Variants in DNAH9 observed in about 807,000 individuals in gnomAD.
DNAH9 encodes the protein DNAH9 variant protein.
DNAH9 carries 345 observed loss-of-function variants against 471.6 expected under a neutral mutation model. That is an observed-to-expected ratio of 0.73 (90% confidence interval 0.67 to 0.80). The LOEUF (loss-of-function observed/expected upper bound fraction) is 0.80, where lower values mean the gene tolerates loss of function less well. Ranked by LOEUF, DNAH9 falls within the 30% of genes least tolerant of loss-of-function variation. The pLI, the probability that DNAH9 is intolerant of heterozygous loss-of-function variation, is 0.00. For missense variants in DNAH9, 5,407 were observed against 5,609.2 expected, an observed-to-expected ratio of 0.96 and a Z score of 1.15; for synonymous variants, 2,093 against 2,123.6, an observed-to-expected ratio of 0.99 and a Z score of 0.40.
chr17:11,764,740 A>G (rs561800258), intron 36 of DNAH9, among the ~76,000 whole-genome samples: 2 of 152,196 alleles, frequency 1.3e-5, no homozygotes, highest in Non-Finnish European at 2.9e-5. Context: ...GGGAAGATAA[A>G]TCTTACATCA....
chr17:11,934,961 C>CTTTCT (rs756592834), intron 65 of DNAH9, among the ~76,000 whole-genome samples: 4 of 152,008 alleles, frequency 2.6e-5, no homozygotes, highest in African/African-American at 9.7e-5. Flanking sequence ...CTCATGAAGG[C>CTTTCT]TTTCTTTTCT....
rs1260064759 is a variant in DNAH9, at chr17:11,747,547, C to T, written c.6400-9C>T. 2.5e-6 allele frequency: 4 copies of T among 1,612,006 alleles called. No individual in the cohort carries two copies. Among genetic ancestry groups the T allele is most frequent in the South Asian group, 2.2e-5 (2 of 90,956 alleles). On this transcript the variant is annotated splice_polypyrimidine_tract_variant and intron_variant, in intron 31 of 68. Transcript: ENST00000262442. ...CTGGTCCCTCTGGCTGAATTTCCTG[C>T]CTCCTCAGGTGGTCCAGCTGGAGGA...
At chr17:11,894,708 T>C (rs1181620256) in intron 59 of DNAH9, among the ~76,000 whole-genome samples, 1 of 152,178 alleles carries the variant, frequency 6.6e-6, no homozygotes, top group Non-Finnish European at 1.5e-5. Context: ...GTATGAGGGC[T>C]CTGCCTCCAG....
At chr17:11,759,933 G>A (rs573982035) in intron 35 of DNAH9, among the ~76,000 whole-genome samples, 24 of 152,110 alleles carry the variant, frequency 1.6e-4, no homozygotes, top group African/African-American at 4.3e-4. Flanking sequence ...TGATGTGGCC[G>A]CCTCGGCCTC....
chr17:11,762,683 A>G (rs530054603), intron 35 of DNAH9, among the ~76,000 whole-genome samples: 4 of 151,584 alleles, frequency 2.6e-5, no homozygotes, highest in African/African-American at 9.7e-5. Flanking sequence ...GGTGTTTTCA[A>G]TGGAAGGAAA....
chr17:11,727,982 A>G lies in DNAH9; in HGVS notation c.5814+60A>G, dbSNP rs114299048. ...TTCATATTGATTACTGCGGAAGTCT[A>G]TGTCCTCTTGTTTTCTACCTCTCCT... On this transcript the variant is annotated intron_variant, in intron 28 of 68. Transcript: ENST00000262442. 214 of 1,096,970 alleles carry G rather than the reference A, an allele frequency of 2.0e-4. No homozygotes were observed. The African/African-American group carries it at 2.5e-3, about 13-fold the overall frequency. 68.0% of individuals were successfully genotyped at this position (1,096,970 alleles called of 1,614,324 possible).
In DNAH9 at chr17:11,793,679, A is replaced by G. The variant is rs377376864; in HGVS notation, c.8223+15A>G. 504 of 1,558,532 alleles carry G rather than the reference A, an allele frequency of 3.2e-4. 6 individuals carry two copies. The South Asian group carries it at 3.6e-3, about 11-fold the overall frequency. On this transcript the variant is annotated intron_variant, in intron 42 of 68. Coordinates refer to ENST00000262442, the MANE Select transcript of DNAH9 (RefSeq NM_001372.4). ...AAACTTTTGATGTGAGTATTGCCCT[A>G]TGGATTTTCTTTGTATTTGAAAAAA...
chr17:11,757,952 T>G (rs1236413517), intron 35 of DNAH9, among the ~76,000 whole-genome samples: 1 of 152,168 alleles, frequency 6.6e-6, no homozygotes, highest in Non-Finnish European at 1.5e-5. Flanking sequence ...TGGATGTATG[T>G]GAAGGAGGCT....
At chr17:11,697,802 G>C (rs766505757) in intron 22 of DNAH9, among the ~76,000 whole-genome samples, 3 of 151,726 alleles carry the variant, frequency 2.0e-5, no homozygotes, top group Non-Finnish European at 2.9e-5. Context: ...TGTCAATTCT[G>C]CACTTTAGTG....
At chr17:11,823,286 G>A (rs1970377662) in intron 48 of DNAH9, among the ~76,000 whole-genome samples, 1 of 152,084 alleles carries the variant, frequency 6.6e-6, no homozygotes, top group Non-Finnish European at 1.5e-5. Context: ...ATCAGAAACA[G>A]TACCAAAAGT....
chr17:11,724,956 A>G (rs927063628), intron 27 of DNAH9, among the ~76,000 whole-genome samples: 1 of 152,192 alleles, frequency 6.6e-6, no homozygotes, highest in Non-Finnish European at 1.5e-5. Flanking sequence ...GATGGGAGAC[A>G]GTGACAGATC....
chr17:11,785,098 G>A (rs1428982203), intron 41 of DNAH9, among the ~76,000 whole-genome samples: 1 of 152,086 alleles, frequency 6.6e-6, no homozygotes, highest in African/African-American at 2.4e-5. Flanking sequence ...TATCTGAATA[G>A]TGATGGCGTA....
rs568676603 is a variant in DNAH9 at position 11,878,173 on chromosome 17, A to G, written c.10479-1905A>G. Among the ~76,000 whole-genome samples, 11 of 152,326 alleles carry G rather than the reference A, an allele frequency of 7.2e-5. No individual in the cohort carries two copies. In the South Asian group the frequency reaches 1.4e-3, roughly 20 times the overall value. On this transcript the variant is annotated intron_variant, in intron 53 of 68. Transcript: ENST00000262442. The stretch of plus-strand genomic sequence containing the variant: ...GGTGTATGTTCTTTTTGCTCATTGC[A>G]GTGTCCCTAGTGTCTAAAACACTGC...
chr17:11,768,722 G>C, intron 37 of DNAH9, 96 bp downstream of exon 37: 3 of 1,446,746 alleles, frequency 2.1e-6, no homozygotes, highest in Non-Finnish European at 2.8e-6. Context: ...CTGAGCATTT[G>C]TCCTTGCTAG....
chr17:11,631,980 A>G (rs1179679559), intron 7 of DNAH9, among the ~76,000 whole-genome samples: 2 of 37,354 alleles, frequency 5.4e-5, no homozygotes, highest in Non-Finnish European at 9.4e-5. Flanking sequence ...TGGACATACT[A>G]AAAAAAAAAA....
intron 19 of DNAH9, among the ~76,000 whole-genome samples, chr17:11,681,343 T>C (rs892545527): frequency 6.6e-6 from 1 of 152,230 alleles, no homozygotes; most frequent in Non-Finnish European, 1.5e-5. Flanking sequence ...TTCTCTCTGC[T>C]TGGTTCCAAC....
At chr17:11,728,490 G>A (rs551091830) in intron 28 of DNAH9, among the ~76,000 whole-genome samples, 3 of 149,306 alleles carry the variant, frequency 2.0e-5, no homozygotes, top group East Asian at 2.0e-4. Context: ...AAAGACAGGT[G>A]AAGTTTCCCA....
chr17:11,616,443 G>T (rs559295389), intron 4 of DNAH9, among the ~76,000 whole-genome samples: 1 of 152,060 alleles, frequency 6.6e-6, no homozygotes, highest in Non-Finnish European at 1.5e-5. Context: ...TTGTAAACTC[G>T]CCCTTCCAAT....
At chr17:11,950,902 A>G (rs1449437933) in intron 67 of DNAH9, among the ~76,000 whole-genome samples, 1 of 151,990 alleles carries the variant, frequency 6.6e-6, no homozygotes, top group Non-Finnish European at 1.5e-5. Context: ...CACATCCCAA[A>G]CGACCAGGAC....
Sources: gnomAD v4.1 joint callset for allele counts (sites outside exome capture counted in the v4.1 genomes callset) on GRCh38, gnomAD v4.1.1 for gene constraint, MANE v1.5 for transcripts, NCBI Gene and HGNC (gene_info 2026-07-23, HGNC 2026-07-21) for gene names.